The following VPS13D variants were observed in gnomAD, a reference collection of about 807,000 sequenced individuals.
The protein encoded by VPS13D is vacuolar protein sorting 13 homolog D, also known as intermembrane lipid transfer protein VPS13D.
In VPS13D, 187 loss-of-function variants were observed where a neutral mutation model predicts 461.9. The observed-to-expected ratio is 0.40, with a 90% CI of 0.36 to 0.46. VPS13D has a LOEUF of 0.46. Among genes scored for constraint, VPS13D ranks in the 20% least tolerant of loss-of-function variants. The pLI is 0.60. For missense variants in VPS13D, 4,711 were observed against 5,364.9 expected, an observed-to-expected ratio of 0.88 and a Z score of 3.81; for synonymous variants, 1,951 against 1,986.3, an observed-to-expected ratio of 0.98 and a Z score of 0.47.
At chr1:12,491,236 G>A (rs1021199669) in intron 67 of VPS13D, among the ~76,000 whole-genome samples, 12 of 152,246 alleles carry the variant, frequency 7.9e-5, no homozygotes, top group Admixed American at 7.8e-4. Flanking sequence ...GCAGCCATCA[G>A]TTGAATAAAC....
intron 1 of VPS13D, among the ~76,000 whole-genome samples, chr1:12,231,297 C>G (rs1043305643): frequency 2.0e-4 from 30 of 152,240 alleles, no homozygotes; most frequent in African/African-American, 6.8e-4. Context: ...CTTGCTGACA[C>G]TGAATTCCTT....
At chr1:12,479,808 A>G (rs140701757) in intron 67 of VPS13D, among the ~76,000 whole-genome samples, 10 of 152,334 alleles carry the variant, frequency 6.6e-5, no homozygotes, top group African/African-American at 1.9e-4. Flanking sequence ...ATATCTGCCT[A>G]TAGCCCAGAA....
At position 12,369,493 on chromosome 1, in the gene VPS13D, C is replaced by T. The variant is rs1308357516; in HGVS notation, c.10599C>T (p.Gly3533=). The change falls in exon 54 of 70, where the codon GGC becomes GGT. Residue 3533 remains glycine, a synonymous_variant. Transcript: ENST00000620676. ...SKVPVVFTQH[G]VAEPRLRTEV... is the part of the protein sequence containing the mutation. ...TCCCGGTTGTCTTTACTCAGCATGG[C>T]GTAGCTGAACCCAGGCTCCGGACTG... The T allele has an allele frequency of 9.3e-6, 15 of 1,614,038 alleles. No individual in the cohort carries two copies. The highest frequency in any genetic ancestry group is 1.3e-5 in the African/African-American group (1 of 74,908).
In VPS13D at chr1:12,425,632, TG is replaced by T. The variant is rs369281373; in HGVS notation, c.12333+8808del. On this transcript the variant is annotated intron_variant, in intron 65 of 69. Coordinates refer to ENST00000620676, the MANE Select transcript of VPS13D (RefSeq NM_015378.4). ...TTTATTAACTCCTACATGTCGAATATGGGCCTAGGATCTTTCCCTATGCTCT... is the reference window on the plus strand; with the variant it reads ...TTTATTAACTCCTACATGTCGAATATGGCCTAGGATCTTTCCCTATGCTCT... 7.4e-5 allele frequency among the ~76,000 whole-genome samples: 11 copies of T among 148,610 alleles called. No individual in the cohort carries two copies. The East Asian group carries it at 1.8e-3, about 25-fold the overall frequency.
chr1:12,342,379 A>G (rs1643588870), intron 41 of VPS13D, among the ~76,000 whole-genome samples: 1 of 152,250 alleles, frequency 6.6e-6, no homozygotes, highest in Non-Finnish European at 1.5e-5. Flanking sequence ...TACCTAAGCC[A>G]GGCGAGAACC....
At chr1:12,500,910 C>T (rs1022110558) in intron 68 of VPS13D, among the ~76,000 whole-genome samples, 3 of 151,544 alleles carry the variant, frequency 2.0e-5, no homozygotes, top group Admixed American at 1.3e-4. Context: ...AAAAGTTAGC[C>T]GGGCATGGTG....
chr1:12,408,680 A>AT (rs1168214844), intron 63 of VPS13D, among the ~76,000 whole-genome samples: 1 of 152,194 alleles, frequency 6.6e-6, no homozygotes, highest in African/African-American at 2.4e-5. Context: ...TGAGGTTGCT[A>AT]TTAATCTCTA....
At position 12,356,070 on chromosome 1, in the gene VPS13D, A is replaced by G; in HGVS notation, c.9851A>G (p.Tyr3284Cys). ...GSLKIFISAP[Y>C]WLINKTGLPL... The stretch of plus-strand genomic sequence containing the variant: ...TTAAAGATCTTCATTTCTGCTCCAT[A>G]TTGGCTGATTAACAAAACAGGTACA... Residue 3284 changes from tyrosine to cysteine, a missense_variant, in exon 48 of 70, where the codon TAT becomes TGT. Transcript: ENST00000620676. 6.2e-7 allele frequency: 1 copy of G among 1,611,214 alleles called. No homozygotes were observed. Among genetic ancestry groups the G allele is most frequent in the South Asian group, 1.1e-5 (1 of 90,782 alleles).
rs146112991 is a variant in VPS13D at position 12,380,060 on chromosome 1, C to T, written c.11190+464C>T. On this transcript the variant is annotated intron_variant, in intron 57 of 69. Coordinates refer to ENST00000620676, the MANE Select transcript of VPS13D (RefSeq NM_015378.4). The stretch of plus-strand genomic sequence containing the variant: ...CTGGGATTACAGGCGTGAGCCACCG[C>T]GCCCAGCCCCGCATTTGTGTATGTT... 9.8e-3 allele frequency among the ~76,000 whole-genome samples: 1,498 copies of T among 152,268 alleles called. 18 individuals carry two copies. The highest frequency in any genetic ancestry group is 0.034 in the African/African-American group (1,393 of 41,534).
chr1:12,279,660 T>C lies in VPS13D; in HGVS notation c.4602+10T>C. The C allele has an allele frequency of 1.2e-6, 2 of 1,604,826 alleles. No individual in the cohort carries two copies. Among genetic ancestry groups the C allele is most frequent in the Non-Finnish European group, 8.5e-7 (1 of 1,173,410 alleles). ...TGTCAATCCAGTTCAGGTAAATTCATGTCAGGGCAGTTGAAGTCATATGTT... is the reference window on the plus strand; with the variant it reads ...TGTCAATCCAGTTCAGGTAAATTCACGTCAGGGCAGTTGAAGTCATATGTT... On this transcript the variant is annotated intron_variant, in intron 20 of 69. Transcript: ENST00000620676. The surrounding 1 kb of genome is among the most constrained non-coding windows in gnomAD (Gnocchi z 4.3).
Position 12,435,165 on chromosome 1 carries a change from G to T in VPS13D, c.12333+18338G>T, listed in dbSNP as rs1346417953. Reference sequence around the variant, plus strand: ...GATACTGATTGCCCAGTTGAAATAAGTTTTGAATTTAGTAACTGAATGGAT... The same window carrying T: ...GATACTGATTGCCCAGTTGAAATAATTTTTGAATTTAGTAACTGAATGGAT... On this transcript the variant is annotated intron_variant, in intron 65 of 69. Coordinates refer to ENST00000620676, the MANE Select transcript of VPS13D (RefSeq NM_015378.4). Among the ~76,000 whole-genome samples the T allele has an allele frequency of 3.3e-5, 5 of 151,962 alleles. No individual in the cohort carries two copies. In the East Asian group the frequency reaches 9.6e-4, roughly 29 times the overall value.
Position 12,436,231 on chromosome 1 carries a change from A to C in VPS13D, c.12333+19404A>C, listed in dbSNP as rs189779021. ...GTTTGGTGTCTGTGGGGGTTCCTGTAGGGGGATCTCAGGAAGGGGTGGACT... is the reference window on the plus strand; with the variant it reads ...GTTTGGTGTCTGTGGGGGTTCCTGTCGGGGGATCTCAGGAAGGGGTGGACT... On this transcript the variant is annotated intron_variant, in intron 65 of 69. Transcript: ENST00000620676. Among the ~76,000 whole-genome samples, 211 of 152,328 alleles carry C rather than the reference A, an allele frequency of 1.4e-3. 1 individual carries two copies. The highest frequency in any genetic ancestry group is 4.9e-3 in the African/African-American group (205 of 41,574).
chr1:12,389,316 C>T (rs1360065210), intron 60 of VPS13D, among the ~76,000 whole-genome samples: 1 of 152,188 alleles, frequency 6.6e-6, no homozygotes, highest in Non-Finnish European at 1.5e-5. Flanking sequence ...TACTTTGTAT[C>T]CTTCAATCCA....
At position 12,341,851 on chromosome 1, in the gene VPS13D, T is replaced by C; in HGVS notation, c.8698T>C (p.Leu2900=). The C allele has an allele frequency of 6.2e-7, 1 of 1,614,060 alleles. No homozygotes were observed. The highest frequency in any genetic ancestry group is 1.1e-5 in the South Asian group (1 of 91,072). ...TCTGAGGAACCACACGGGGTGCACT[T>C]TGTGGTTTGCCACCCTGACCACCAC... ...FALRNHTGCT[L]WFATLTTTPT... is the part of the protein sequence containing the mutation. Residue 2900 remains leucine, a synonymous_variant, in exon 41 of 70, where the codon TTG becomes CTG. Coordinates refer to ENST00000620676, the MANE Select transcript of VPS13D (RefSeq NM_015378.4).
chr1:12,483,057 A>C (rs1645745964), intron 67 of VPS13D, among the ~76,000 whole-genome samples: 1 of 152,212 alleles, frequency 6.6e-6, no homozygotes, highest in Middle Eastern at 3.2e-3. Flanking sequence ...CTAAAGTCCT[A>C]AAACTATGAT....
chr1:12,477,391 A>G (rs1645646522), intron 67 of VPS13D, among the ~76,000 whole-genome samples: 1 of 152,174 alleles, frequency 6.6e-6, no homozygotes, highest in South Asian at 2.1e-4. Flanking sequence ...CCACTAATAC[A>G]CAACAGCTCG....
intron 67 of VPS13D, among the ~76,000 whole-genome samples, chr1:12,492,188 T>C (rs1489502847): frequency 6.6e-6 from 1 of 152,250 alleles, no homozygotes; most frequent in African/African-American, 2.4e-5. Context: ...CTGAGTCGTT[T>C]AGACGTTGAT....
At chr1:12,413,005 A>G (rs1644748380) in intron 63 of VPS13D, among the ~76,000 whole-genome samples, 1 of 152,200 alleles carries the variant, frequency 6.6e-6, no homozygotes, top group East Asian at 1.9e-4. Context: ...TTCAATAAGC[A>G]CTTCACAAAA....
In VPS13D at chr1:12,250,543, C is replaced by T. The variant is rs569863385; in HGVS notation, c.564+1204C>T. On this transcript the variant is annotated intron_variant, in intron 6 of 69. Transcript: ENST00000620676. ...TCTGCCCATTTTGTCCCCTAAATGA[C>T]GTATTTTTCTTTATTCCCTAACGTT... Among the ~76,000 whole-genome samples, 185 of 151,688 alleles carry T rather than the reference C, an allele frequency of 1.2e-3. 1 individual carries two copies. The highest frequency in any genetic ancestry group is 4.3e-3 in the African/African-American group (176 of 41,168).
Sources: gnomAD v4.1 joint callset for allele counts (sites outside exome capture counted in the v4.1 genomes callset) on GRCh38, gnomAD v4.1.1 for gene constraint, Gnocchi (gnomAD v3.1) non-coding constraint, MANE v1.5 for transcripts, NCBI Gene and HGNC (gene_info 2026-07-23, HGNC 2026-07-21) for gene names.